Variants in TNC observed in about 807,000 individuals in gnomAD.
TNC encodes the protein tenascin.
A neutral mutation model predicts 202.4 loss-of-function variants in TNC; 109 were observed. That is an observed-to-expected ratio of 0.54 (90% CI 0.46 to 0.63). The LOEUF (loss-of-function observed/expected upper bound fraction) is 0.63. Among genes scored for constraint, TNC ranks in the 30% least tolerant of loss-of-function variants. The pLI is 0.00. For missense variants in TNC, 2,756 were observed against 2,833.3 expected (o/e 0.97, Z 0.62); for synonymous variants, 1,007 against 1,089.7 (o/e 0.92, Z 1.50).
intron 14 of TNC, among the ~76,000 whole-genome samples, chr9:115,058,162 C>T (rs1184898781): frequency 6.6e-6 from 1 of 152,176 alleles, no homozygotes; most frequent in Admixed American, 6.5e-5. Flanking sequence ...TCCCTTTCAG[C>T]GAAGAAATAA....
chr9:115,116,989 C>G (rs1837515333), intron 1 of TNC, among the ~76,000 whole-genome samples: 1 of 152,184 alleles, frequency 6.6e-6, no homozygotes, highest in Non-Finnish European at 1.5e-5. Context: ...CAATGATTAT[C>G]CAAACTTCCA....
chr9:115,114,291 G>C (rs1194260528), intron 1 of TNC, among the ~76,000 whole-genome samples: 2 of 152,222 alleles, frequency 1.3e-5, no homozygotes, highest in Admixed American at 1.3e-4. Flanking sequence ...GGCTTCCGCT[G>C]AATTTGTGGC....
chr9:115,047,226 G>A (rs907032800), intron 16 of TNC, among the ~76,000 whole-genome samples: 6 of 145,124 alleles, frequency 4.1e-5, no homozygotes, highest in Admixed American at 1.4e-4. Flanking sequence ...ACTAAAGAAG[G>A]CTCCTACCCT....
At chr9:115,031,932 G>C (rs1829979322) in intron 22 of TNC, among the ~76,000 whole-genome samples, 1 of 152,110 alleles carries the variant, frequency 6.6e-6, no homozygotes, top group Admixed American at 6.6e-5. Context: ...AATATAAGGA[G>C]GGAGAGACCG....
intron 6 of TNC, among the ~76,000 whole-genome samples, chr9:115,081,559 G>A (rs1014977688): frequency 2.6e-5 from 4 of 152,176 alleles, no homozygotes; most frequent in Non-Finnish European, 5.9e-5. Flanking sequence ...CATGAGGAGT[G>A]CAGTCAAGAA....
chr9:115,060,199 G>A (rs1194877147), intron 13 of TNC, among the ~76,000 whole-genome samples, 197 bp from the exon 14 acceptor site: 1 of 152,098 alleles, frequency 6.6e-6, no homozygotes, highest in African/African-American at 2.4e-5. Flanking sequence ...TGGCCAGAAA[G>A]GGAAATATCT....
intron 1 of TNC, among the ~76,000 whole-genome samples, chr9:115,094,598 G>A (rs1330360): frequency 0.45 from 67,946 of 152,004 alleles, 15,703 homozygotes; most frequent in African/African-American, 0.53. Flanking sequence ...TTATTCTACA[G>A]AGACTCTTTA....
intron 27 of TNC, among the ~76,000 whole-genome samples, chr9:115,022,494 T>C (rs1304475962): frequency 1.3e-5 from 2 of 152,180 alleles, no homozygotes; most frequent in African/African-American, 4.8e-5. Flanking sequence ...GTGGCTCCTT[T>C]CCATGTCATC....
chr9:115,075,911 T>C lies in TNC; in HGVS notation c.2950+121A>G. The C allele has an allele frequency of 4.9e-6, 4 of 808,246 alleles. No homozygotes were observed. In the South Asian group the frequency reaches 5.9e-5, roughly 12 times the overall value. The allele number at this position is 808,246 out of a possible 1,614,324, so 50.1% of individuals were successfully genotyped here. A position where few individuals can be genotyped will look rare whatever the true frequency, so the allele number is the denominator to read the frequency against. ...TTTCAACATTGGGGCTAGATGGTAC[T>C]ACAGGGCCCTTTTTCCTCCAGGCTT... On this transcript the variant is annotated intron_variant, in intron 9 of 27. Coordinates refer to ENST00000350763, the MANE Select transcript of TNC (RefSeq NM_002160.4).
intron 1 of TNC, among the ~76,000 whole-genome samples, chr9:115,098,672 G>A (rs1250027): frequency 0.6 from 90,880 of 152,066 alleles, 27,911 homozygotes; most frequent in African/African-American, 0.74. Context: ...TTGGGAGGAC[G>A]AGGAGAATTC....
rs745437285 is a variant in TNC at position 115,063,811 on chromosome 9, C to A, written c.3745G>T (p.Val1249Phe). Residue 1249 changes from valine (V) to phenylalanine (F), a missense_variant, in exon 12 of 28, where the codon GTT (valine) becomes TTT (phenylalanine). Val to Phe is a conservative substitution (Grantham distance 50, BLOSUM62 -1). Transcript: ENST00000350763. ...TQDFSTTPLS[V>F]EVLTEEVPDM... is the part of the protein sequence containing the mutation. ...TCTAGAATACCTGTCAAGACTTCAA[C>A]AGAGAGAGGGGTTGTGCTGAAGTCC... The A allele has an allele frequency of 6.2e-7, 1 of 1,612,378 alleles. No homozygotes were observed. Among genetic ancestry groups the A allele is most frequent in the Non-Finnish European group, 8.5e-7 (1 of 1,178,638 alleles).
chr9:115,030,441 C>A (rs1564408717), intron 23 of TNC, 36 bp from the exon 24 acceptor site: 2 of 1,586,876 alleles, frequency 1.3e-6, no homozygotes, highest in Non-Finnish European at 1.7e-6. Context: ...GCTCTCAGTG[C>A]AGGAGGACTG....
At chr9:115,024,563 A>G (rs1357198066) in intron 26 of TNC, among the ~76,000 whole-genome samples, 3 of 152,156 alleles carry the variant, frequency 2.0e-5, no homozygotes, top group Non-Finnish European at 4.4e-5. Context: ...ACTTACTATG[A>G]TTGTTATTTT....
At chr9:115,072,265 G>A (rs1053088278) in intron 10 of TNC, among the ~76,000 whole-genome samples, 1 of 152,186 alleles carries the variant, frequency 6.6e-6, no homozygotes, top group African/African-American at 2.4e-5. Flanking sequence ...TGGAATGGCT[G>A]TATTACAGCA....
intron 10 of TNC, 105 bp downstream of exon 10, chr9:115,073,498 G>A (rs1833610526): frequency 1.4e-6 from 2 of 1,382,344 alleles, no homozygotes; most frequent in Non-Finnish European, 2.0e-6. Context: ...GGAGAAAGTG[G>A]CTTGCTTTTG....
At chr9:115,060,828 T>G (rs1018923956) in intron 13 of TNC, among the ~76,000 whole-genome samples, 1 of 152,166 alleles carries the variant, frequency 6.6e-6, no homozygotes, top group African/African-American at 2.4e-5. Context: ...TTCCACCTTT[T>G]TCTGCTCGTA....
chr9:115,032,043 T>G (rs1312708824), intron 22 of TNC, among the ~76,000 whole-genome samples: 1 of 152,238 alleles, frequency 6.6e-6, no homozygotes, highest in African/African-American at 2.4e-5. Flanking sequence ...ATTGTAATGG[T>G]TAATTTTATG....
intron 3 of TNC, 25 bp from the exon 4 acceptor site, chr9:115,084,497 T>C (rs201135036): frequency 4.8e-4 from 765 of 1,609,760 alleles, no homozygotes; most frequent in Middle Eastern, 3.0e-3. Flanking sequence ...AAAGGACATC[T>C]GGTGTCAACA....
intron 10 of TNC, among the ~76,000 whole-genome samples, chr9:115,069,335 A>G (rs1833182741): frequency 6.6e-6 from 1 of 152,088 alleles, no homozygotes; most frequent in South Asian, 2.1e-4. Flanking sequence ...GGCATGCAGC[A>G]AATTCATGGC....
Sources: gnomAD v4.1 joint callset for allele counts (sites outside exome capture counted in the v4.1 genomes callset) on GRCh38, gnomAD v4.1.1 for gene constraint, MANE v1.5 for transcripts, NCBI Gene and HGNC (gene_info 2026-07-23, HGNC 2026-07-21) for gene names.